The following FAAH2 variants were observed in gnomAD, a reference collection of about 807,000 sequenced individuals.
FAAH2 encodes the protein fatty acid amide hydrolase 2.
FAAH2 carries 60 observed loss-of-function variants against 36.9 expected under a neutral mutation model. That is an observed-to-expected ratio of 1.63 (90% CI 1.32 to 2.02). The LOEUF (loss-of-function observed/expected upper bound fraction) is 2.02. Among genes scored for constraint, FAAH2 ranks in the 30% most tolerant of loss-of-function variants. The probability of loss-of-function intolerance (pLI) is 0.00; values close to 1 mark genes in which losing one functional copy is unlikely to be tolerated. For synonymous variants in FAAH2, 214 were observed against 143.8 expected, an observed-to-expected ratio of 1.49 and a Z score of -3.49; for missense variants, 689 against 397.5, an observed-to-expected ratio of 1.73 and a Z score of -6.23.
intron 7 of FAAH2, among the ~76,000 whole-genome samples, chrX:57,414,146 T>C (rs2055775373): frequency 8.9e-6 from 1 of 112,084 alleles, no homozygotes; most frequent in Non-Finnish European, 1.9e-5. Flanking sequence ...TACAATCATG[T>C]CATCTGCAAA....
chrX:57,366,770 G>A (rs770045502), intron 5 of FAAH2, among the ~76,000 whole-genome samples: 2 of 112,529 alleles, frequency 1.8e-5, no homozygotes, highest in Non-Finnish European at 3.8e-5. Flanking sequence ...ACTGCAAGTG[G>A]CTGTAGCTAG....
chrX:57,214,998 A>G, the FAAH2 span, among the ~76,000 whole-genome samples: 1 of 110,650 alleles, frequency 9.0e-6, no homozygotes, highest in Non-Finnish European at 1.9e-5. Flanking sequence ...ACAGCAAAAG[A>G]AACTAACATC....
chrX:57,274,559 G>A, the FAAH2 span, among the ~76,000 whole-genome samples: 1 of 112,075 alleles, frequency 8.9e-6, no homozygotes, highest in African/African-American at 3.2e-5. Context: ...TATCCACTAT[G>A]ATCAAGTTGG....
intron 4 of FAAH2, 143 bp from the exon 5 acceptor site, chrX:57,341,128 A>T (rs1471086332): frequency 1.6e-5 from 8 of 494,484 alleles, no homozygotes; most frequent in African/African-American, 2.4e-5. Flanking sequence ...GAATAAAATT[A>T]TGATCTAAAT....
At chrX:57,275,096 T>C in the FAAH2 span, among the ~76,000 whole-genome samples, 88 of 111,802 alleles carry the variant, frequency 7.9e-4, no homozygotes, top group Non-Finnish European at 1.3e-3. Flanking sequence ...TCACAGGCAT[T>C]CTTATACACC....
intron 1 of FAAH2, among the ~76,000 whole-genome samples, chrX:57,290,611 A>C (rs970075052): frequency 1.8e-4 from 20 of 111,365 alleles, no homozygotes; most frequent in Admixed American, 1.2e-3. Flanking sequence ...TATCCATTTG[A>C]TAGATATTTA....
At chrX:57,164,827 G>T in the FAAH2 span, among the ~76,000 whole-genome samples, 3 of 111,911 alleles carry the variant, frequency 2.7e-5, no homozygotes, top group Admixed American at 9.4e-5. Flanking sequence ...AATTGTTGTG[G>T]ACATTATAGA....
chrX:57,182,731 A>G, the FAAH2 span, among the ~76,000 whole-genome samples: 1 of 111,691 alleles, frequency 9.0e-6, no homozygotes, highest in Non-Finnish European at 1.9e-5. Context: ...TATCATAAAG[A>G]CACATGCACA....
chrX:57,460,697 A>G (rs1294391403), intron 10 of FAAH2, among the ~76,000 whole-genome samples: 1 of 112,031 alleles, frequency 8.9e-6, no homozygotes, highest in Non-Finnish European at 1.9e-5. Context: ...CTGCAAAAAT[A>G]CACCAAAATA....
intron 7 of FAAH2, chrX:57,393,783 G>A: frequency 2.2e-6 from 2 of 911,909 alleles, no homozygotes; most frequent in Non-Finnish European, 3.2e-6. Context: ...GTCTGTGTGT[G>A]ACTTTTCTTC....
intron 7 of FAAH2, among the ~76,000 whole-genome samples, chrX:57,426,643 G>T (rs1267028871): frequency 6.3e-5 from 7 of 111,770 alleles, no homozygotes; most frequent in African/African-American, 2.3e-4. Context: ...ACATGTTCCT[G>T]CATAATCTTT....
intron 10 of FAAH2, among the ~76,000 whole-genome samples, chrX:57,484,356 A>G (rs2057436102): frequency 9.0e-6 from 1 of 111,047 alleles, no homozygotes; most frequent in Non-Finnish European, 1.9e-5. Flanking sequence ...ACTAGTCTTG[A>G]TAGGGGTGGC....
At chrX:57,342,903 C>T (rs943115881) in intron 5 of FAAH2, among the ~76,000 whole-genome samples, 3 of 111,468 alleles carry the variant, frequency 2.7e-5, no homozygotes, top group African/African-American at 9.8e-5. Flanking sequence ...TGTTAATTAG[C>T]TTAGGATAAT....
At chrX:57,210,779 C>T in the FAAH2 span, among the ~76,000 whole-genome samples, 1 of 112,203 alleles carries the variant, frequency 8.9e-6, no homozygotes, top group African/African-American at 3.2e-5. Context: ...GAAATGAAAG[C>T]CATAGAAATT....
At position 57,438,290 on chromosome X, in the gene FAAH2, A is replaced by G. The variant is rs938369730; in HGVS notation, c.1116+6253A>G. ...AGATATAGATATAGATATCAGTAAA[A>G]CTACAGACTACTGATGTAAGAAAAA... On this transcript the variant is annotated intron_variant, in intron 8 of 10. Coordinates refer to ENST00000374900, the MANE Select transcript of FAAH2 (RefSeq NM_174912.4). 5.6e-5 allele frequency among the ~76,000 whole-genome samples: 6 copies of G among 106,487 alleles called. No homozygotes were observed. In the East Asian group the frequency reaches 1.5e-3, roughly 26 times the overall value. 92.5% of individuals were successfully genotyped at this position (106,487 alleles called of 115,157 possible).
At chrX:57,346,438 A>C (rs890284330) in intron 5 of FAAH2, among the ~76,000 whole-genome samples, 2 of 110,512 alleles carry the variant, frequency 1.8e-5, no homozygotes, top group African/African-American at 3.3e-5. Context: ...AAAGATAGCA[A>C]CTCCTGCTTT....
At chrX:57,246,621 C>A in the FAAH2 span, among the ~76,000 whole-genome samples, 3 of 111,929 alleles carry the variant, frequency 2.7e-5, no homozygotes, top group South Asian at 7.5e-4. Flanking sequence ...ATGACAAAAA[C>A]CAGATTATCT....
chrX:57,181,453 C>A, the FAAH2 span, among the ~76,000 whole-genome samples: 1 of 110,683 alleles, frequency 9.0e-6, no homozygotes, highest in Non-Finnish European at 1.9e-5. Flanking sequence ...ACAGCCAAGC[C>A]AAGAACCAAA....
rs768462926 is a variant in FAAH2 at position 57,313,543 on chromosome X, G to A, written c.412+2814G>A. On this transcript the variant is annotated intron_variant, in intron 3 of 10. Transcript: ENST00000374900. ...TCACATACAGAGAGTACTCCATCAG[G>A]CAAGCAGTAGATCTCTCAGCAGAAA... 2.9e-4 allele frequency among the ~76,000 whole-genome samples: 32 copies of A among 110,734 alleles called. 1 individual carries two copies. The highest frequency in any genetic ancestry group is 5.1e-4 in the Non-Finnish European group (27 of 52,868).
Sources: allele counts gnomAD v4.1 joint callset (sites outside exome capture counted in the v4.1 genomes callset), GRCh38; gene constraint gnomAD v4.1.1; transcripts MANE v1.5; gene names NCBI Gene and HGNC (gene_info 2026-07-23, HGNC 2026-07-21).